ARL15: variants seen among roughly 807,000 people sequenced by gnomAD.
The protein encoded by ARL15 is ARF like GTPase 15, also known as ADP-ribosylation factor-like protein 15.
ARL15 carries 19 observed loss-of-function variants against 25.2 expected under a neutral mutation model. That is an observed-to-expected ratio of 0.75 (90% CI 0.53 to 1.10). The LOEUF (loss-of-function observed/expected upper bound fraction) is 1.10, where lower values mean the gene tolerates loss of function less well. Among genes scored for constraint, ARL15 ranks in the 50% least tolerant of loss-of-function variants. ARL15 has a pLI of 0.00. For synonymous variants in ARL15, 94 were observed against 86.8 expected (o/e 1.08, Z -0.46); for missense variants, 220 against 246.0 (o/e 0.89, Z 0.71).
rs3063747 is a variant in ARL15, at chr5:54,165,738, T to TTA, written c.193+6044_193+6045dup. Among the ~76,000 whole-genome samples the TTA allele has an allele frequency of 6.0e-3, 886 of 147,920 alleles. 7 individuals carry two copies. Among genetic ancestry groups the TTA allele is most frequent in the African/African-American group, 0.02 (796 of 40,352 alleles). ...TATGGATATAAATATATACCTTTGT[T>TTA]TATATATATATATATAAATAGAGAC... On this transcript the variant is annotated intron_variant, in intron 2 of 4. Transcript: ENST00000504924.
chr5:54,025,731 G>A (rs1243075590), intron 4 of ARL15, among the ~76,000 whole-genome samples: 2 of 152,096 alleles, frequency 1.3e-5, no homozygotes, highest in East Asian at 3.8e-4. Flanking sequence ...ATTTCCCAGG[G>A]ATAAATTGAC....
At chr5:54,018,667 T>C (rs181957347) in intron 4 of ARL15, among the ~76,000 whole-genome samples, 4 of 152,314 alleles carry the variant, frequency 2.6e-5, no homozygotes, top group Non-Finnish European at 4.4e-5. Flanking sequence ...TTCACTGATT[T>C]TTTTTGTCTT....
chr5:54,112,987 T>C (rs1752783550), intron 4 of ARL15: 1 of 513,152 alleles, frequency 1.9e-6, no homozygotes, highest in Non-Finnish European at 3.4e-6. Flanking sequence ...CATTGCTAAA[T>C]AGCTAGAAAA....
chr5:53,989,312 G>A (rs890831131), intron 4 of ARL15, among the ~76,000 whole-genome samples: 2 of 152,092 alleles, frequency 1.3e-5, no homozygotes, highest in Admixed American at 1.3e-4. Flanking sequence ...TTCTATGATC[G>A]TGTGTTAAAT....
chr5:54,086,959 G>T (rs1181498138), intron 4 of ARL15, among the ~76,000 whole-genome samples: 1 of 152,160 alleles, frequency 6.6e-6, no homozygotes, highest in Non-Finnish European at 1.5e-5. Context: ...AATTTTCATG[G>T]TTTTAATAAT....
chr5:54,003,658 TTCTTTC>T (rs774294625), intron 4 of ARL15, among the ~76,000 whole-genome samples: 26,059 of 133,986 alleles, frequency 0.19, 2,402 homozygotes, highest in East Asian at 0.33. Flanking sequence ...AGAAAATATT[TTCTTTC>T]TATCTATCTA....
At chr5:54,204,042 T>C (rs76809005) in intron 1 of ARL15, among the ~76,000 whole-genome samples, 6,717 of 152,192 alleles carry the variant, frequency 0.044, 497 homozygotes, top group African/African-American at 0.15. Flanking sequence ...TATGGTTCTA[T>C]AAAATCCAAA....
At position 54,280,902 on chromosome 5, in the gene ARL15, A is replaced by G. The variant is rs145770047; in HGVS notation, c.48+29530T>C. The stretch of plus-strand genomic sequence containing the variant: ...AGAAAAGTCCTTCATGCTCATCTAC[A>G]TAGATACATCTCCAAAATCCCAAGT... On this transcript the variant is annotated intron_variant, in intron 1 of 4. Coordinates refer to ENST00000504924, the MANE Select transcript of ARL15 (RefSeq NM_019087.3). Among the ~76,000 whole-genome samples, 340 of 152,120 alleles carry G rather than the reference A, an allele frequency of 2.2e-3. 3 individuals carry two copies. The highest frequency in any genetic ancestry group is 7.7e-3 in the African/African-American group (321 of 41,512).
chr5:54,305,003 T>C (rs1015787127), intron 1 of ARL15, among the ~76,000 whole-genome samples: 1 of 152,174 alleles, frequency 6.6e-6, no homozygotes, highest in African/African-American at 2.4e-5. Context: ...GTTTCTATTG[T>C]TGGTTAGTTA....
intron 4 of ARL15, among the ~76,000 whole-genome samples, chr5:53,951,920 T>C (rs1292491642): frequency 4.6e-5 from 7 of 150,812 alleles, no homozygotes; most frequent in Admixed American, 4.0e-4. Flanking sequence ...AACAAAACTA[T>C]TAGTACAAAT....
chr5:54,113,357 C>G lies in ARL15; in HGVS notation c.307G>C (p.Val103Leu). The G allele has an allele frequency of 6.2e-7, 1 of 1,613,982 alleles. No homozygotes were observed. The highest frequency in any genetic ancestry group is 8.5e-7 in the Non-Finnish European group (1 of 1,179,858). The change falls in exon 4 of 5, where the codon GTA becomes CTA. Residue 103 changes from valine (V) to leucine (L), a missense_variant. Transcript: ENST00000504924. ...WSRYYQGSQG[V>L]IFVLDSASSE... ...GAGGCACTGTCTAATACAAATATTA[C>G]CCCTTGAGATCCTTGGTAGTAGCGG...
Position 54,193,082 on chromosome 5 carries a change from G to C in ARL15, c.49-21154C>G, listed in dbSNP as rs11949786. ...CGTCCTGCTCTGGAGAGCCAAACTA[G>C]AGTTTTTAAACTTCCTGTTAAACAT... On this transcript the variant is annotated intron_variant, in intron 1 of 4. Transcript: ENST00000504924. Among the ~76,000 whole-genome samples the C allele has an allele frequency of 7.1e-3, 1,079 of 152,236 alleles. 7 individuals carry two copies. The highest frequency in any genetic ancestry group is 0.014 in the Middle Eastern group (4 of 294).
At chr5:54,011,344 C>G (rs1580168220) in intron 4 of ARL15, among the ~76,000 whole-genome samples, 1 of 152,180 alleles carries the variant, frequency 6.6e-6, no homozygotes, top group African/African-American at 2.4e-5. Flanking sequence ...CTTCAACTTT[C>G]TATATGACCC....
rs568552120 is a variant in ARL15, at chr5:53,938,203, G to T, written c.463-51490C>A. Among the ~76,000 whole-genome samples, 6 of 151,546 alleles carry T rather than the reference G, an allele frequency of 4.0e-5. No homozygotes were observed. The East Asian group carries it at 9.7e-4, about 25-fold the overall frequency. Reference sequence around the variant, plus strand: ...TTCTAGTCTTTTGTTGGGGAGGGTGGTTAAAAAAGGAGTTTATCCATATTT... The same window carrying T: ...TTCTAGTCTTTTGTTGGGGAGGGTGTTTAAAAAAGGAGTTTATCCATATTT... On this transcript the variant is annotated intron_variant, in intron 4 of 4. Transcript: ENST00000504924.
intron 4 of ARL15, among the ~76,000 whole-genome samples, chr5:53,889,832 G>T (rs1388086942): frequency 1.4e-5 from 2 of 141,674 alleles, no homozygotes; most frequent in African/African-American, 5.2e-5. Context: ...TTTTTTCCGA[G>T]ACAGAGTTTT....
chr5:54,194,098 T>C (rs761380508), intron 1 of ARL15, among the ~76,000 whole-genome samples: 4 of 152,168 alleles, frequency 2.6e-5, no homozygotes, highest in African/African-American at 4.8e-5. Context: ...GACTATTACT[T>C]TCTTTAGTTC....
chr5:54,119,892 T>A (rs1160926249), intron 3 of ARL15, among the ~76,000 whole-genome samples: 3 of 152,184 alleles, frequency 2.0e-5, no homozygotes, highest in Non-Finnish European at 4.4e-5. Context: ...CTGGGAATAA[T>A]TTCTAAAAAT....
At chr5:54,203,705 T>C (rs141667396) in intron 1 of ARL15, among the ~76,000 whole-genome samples, 1,896 of 152,258 alleles carry the variant, frequency 0.012, 15 homozygotes, top group Non-Finnish European at 0.018. Flanking sequence ...TTTTTATGTA[T>C]GTGTAGAACC....
chr5:54,112,953 A>C (rs913964203), intron 4 of ARL15, among the ~76,000 whole-genome samples: 3 of 152,198 alleles, frequency 2.0e-5, no homozygotes, highest in Non-Finnish European at 4.4e-5. Context: ...TAGATGAAAA[A>C]TATAACCAGA....
Sources: gnomAD v4.1 joint callset for allele counts (sites outside exome capture counted in the v4.1 genomes callset) on GRCh38, gnomAD v4.1.1 for gene constraint, MANE v1.5 for transcripts, NCBI Gene and HGNC (gene_info 2026-07-23, HGNC 2026-07-21) for gene names.